The following MRC1 variants were observed in gnomAD, a reference collection of about 807,000 sequenced individuals.
MRC1 encodes the protein macrophage mannose receptor 1.
A neutral mutation model predicts 102.9 loss-of-function variants in MRC1; 62 were observed. The observed-to-expected ratio is 0.60, with a 90% CI of 0.49 to 0.74. The LOEUF is 0.74. Among genes scored for constraint, MRC1 ranks in the 30% least tolerant of loss-of-function variants. The probability of loss-of-function intolerance (pLI) is 0.00; values close to 1 mark genes in which losing one functional copy is unlikely to be tolerated. For synonymous variants in MRC1, 457 were observed against 298.4 expected, an observed-to-expected ratio of 1.53 and a Z score of -5.48; for missense variants, 1,237 against 862.8, an observed-to-expected ratio of 1.43 and a Z score of -5.43.
chr10:17,897,651 C>T (rs1018749829), intron 23 of MRC1, among the ~76,000 whole-genome samples: 1 of 152,048 alleles, frequency 6.6e-6, no homozygotes, highest in Non-Finnish European at 1.5e-5. Flanking sequence ...TGACTTTTAA[C>T]GTACATGGAA....
chr10:17,855,983 A>G (rs1265653834), intron 8 of MRC1, among the ~76,000 whole-genome samples: 5 of 152,038 alleles, frequency 3.3e-5, no homozygotes, highest in Non-Finnish European at 5.9e-5. Context: ...AGCCTGGCCA[A>G]CATGGTGAAA....
At chr10:17,851,975 A>G (rs1838924301) in intron 7 of MRC1, among the ~76,000 whole-genome samples, 1 of 152,216 alleles carries the variant, frequency 6.6e-6, no homozygotes, top group African/African-American at 2.4e-5. Flanking sequence ...TTTGGCAACT[A>G]ATTTTATTAT....
intron 4 of MRC1, among the ~76,000 whole-genome samples, chr10:17,839,923 A>G (rs1235394778): frequency 2.0e-5 from 3 of 151,704 alleles, no homozygotes; most frequent in Non-Finnish European, 1.5e-5. Flanking sequence ...AAAATTAGCC[A>G]GGCGTGGTGG....
intron 3 of MRC1, among the ~76,000 whole-genome samples, chr10:17,829,035 A>C (rs1246592117): frequency 6.6e-6 from 1 of 151,392 alleles, no homozygotes; most frequent in Non-Finnish European, 1.5e-5. Context: ...CTCACCTGCT[A>C]CTTTAGACCA....
intron 8 of MRC1, among the ~76,000 whole-genome samples, chr10:17,855,569 C>T (rs1458946549): frequency 5.2e-5 from 2 of 38,486 alleles, no homozygotes; most frequent in African/African-American, 1.8e-4. Flanking sequence ...GAGACTCCGT[C>T]TCAAAAAAAA....
At position 17,822,382 on chromosome 10, in the gene MRC1, G is replaced by A. The variant is rs546478472; in HGVS notation, c.62-692G>A. On this transcript the variant is annotated intron_variant, in intron 1 of 29. Transcript: ENST00000569591. ...CTCCCACTTGTAATCCTAGTACTTT[G>A]AGAGGCTGAAGTGGGAAGATTGCTT... Among the ~76,000 whole-genome samples, 8 of 152,266 alleles carry A rather than the reference G, an allele frequency of 5.3e-5. 1 individual carries two copies. Among genetic ancestry groups the A allele is most frequent in the African/African-American group, 1.9e-4 (8 of 41,554 alleles).
chr10:17,873,652 AG>A (rs1833386087), intron 15 of MRC1, 131 bp from the exon 16 acceptor site: 2 of 736,660 alleles, frequency 2.7e-6, no homozygotes, highest in Non-Finnish European at 5.1e-6. Flanking sequence ...AATAGGAGAA[AG>A]AAAGGGAAGG....
At chr10:17,859,755 A>T (rs1833153049) in intron 9 of MRC1, among the ~76,000 whole-genome samples, 1 of 152,140 alleles carries the variant, frequency 6.6e-6, no homozygotes, top group African/African-American at 2.4e-5. Flanking sequence ...AGTGCTTTAG[A>T]GATTCTCCTT....
chr10:17,891,698 T>G (rs1237395469), intron 22 of MRC1, among the ~76,000 whole-genome samples: 3 of 152,166 alleles, frequency 2.0e-5, no homozygotes, highest in African/African-American at 7.2e-5. Flanking sequence ...TAGCTACGAA[T>G]TAGGCTGTGT....
chr10:17,827,291 A>G (rs1046598737), intron 2 of MRC1, among the ~76,000 whole-genome samples: 105 of 148,916 alleles, frequency 7.1e-4, no homozygotes, highest in Admixed American at 1.4e-3. Flanking sequence ...ATGAAGTGGT[A>G]CTAAGAGTTA....
In MRC1 at chr10:17,894,244, A is replaced by G. The variant is rs1221109575; in HGVS notation, c.3182A>G (p.Asn1061Ser). 11 of 872,572 alleles carry G rather than the reference A, an allele frequency of 1.3e-5. No homozygotes were observed. The East Asian group carries it at 2.4e-4, about 19-fold the overall frequency. The allele number at this position is 872,572 out of a possible 1,614,324, so 54.1% of individuals were successfully genotyped here. Residue 1061 changes from asparagine (N) to serine (S), a missense_variant, in exon 23 of 30, where the codon AAT (asparagine) becomes AGT (serine). Asn to Ser is a conservative substitution (Grantham distance 46). Transcript: ENST00000569591. ...GTTGTTATTATTGGAGGTGCATCAAATGAAGCAGGAAAATGGATGGATGAT... is the reference window on the plus strand; with the variant it reads ...GTTGTTATTATTGGAGGTGCATCAAGTGAAGCAGGAAAATGGATGGATGAT... ...DCVVIIGGASNEAGKWMDDTC... is the reference protein window; with the variant it reads ...DCVVIIGGASSEAGKWMDDTC...
rs1838942096 is a variant in MRC1, at chr10:17,853,154, A to C, written c.1407+30A>C. 7.7e-6 allele frequency: 6 copies of C among 779,544 alleles called. 1 individual carries two copies. The South Asian group carries it at 8.0e-5, about 10-fold the overall frequency. 48.3% of individuals were successfully genotyped at this position (779,544 alleles called of 1,614,324 possible). A position where few individuals can be genotyped will look rare whatever the true frequency, so the allele number is the denominator to read the frequency against. Reference sequence around the variant, plus strand: ...GGCCACTTGAATGACTGATATTTATAATGAAAGTCACGGGGGATTTTTCCT... The same window carrying C: ...GGCCACTTGAATGACTGATATTTATCATGAAAGTCACGGGGGATTTTTCCT... On this transcript the variant is annotated intron_variant, in intron 8 of 29. Coordinates refer to ENST00000569591, the MANE Select transcript of MRC1 (RefSeq NM_002438.4).
intron 3 of MRC1, among the ~76,000 whole-genome samples, chr10:17,833,399 G>C (rs1319430452): frequency 6.6e-6 from 1 of 151,514 alleles, no homozygotes; most frequent in Non-Finnish European, 1.5e-5. Flanking sequence ...TGCATGCCTG[G>C]AGTCCCAGCT....
At chr10:17,824,745 T>C (rs1165114555) in intron 2 of MRC1, among the ~76,000 whole-genome samples, 1 of 152,146 alleles carries the variant, frequency 6.6e-6, no homozygotes, top group East Asian at 1.9e-4. Context: ...ATTGTGCTAA[T>C]TGAGGAGTTT....
intron 4 of MRC1, among the ~76,000 whole-genome samples, chr10:17,835,254 T>C (rs1838645387): frequency 1.3e-5 from 2 of 152,246 alleles, no homozygotes; most frequent in South Asian, 4.1e-4. Flanking sequence ...ACCACTTTTA[T>C]TAGTATAATA....
chr10:17,907,840 T>C, intron 28 of MRC1, 142 bp downstream of exon 28: 1 of 708,176 alleles, frequency 1.4e-6, no homozygotes. Context: ...CATTCTGCCG[T>C]TGTAGTTCAT....
chr10:17,809,727 A>C (rs1397701369), intron 1 of MRC1, among the ~76,000 whole-genome samples: 1 of 151,976 alleles, frequency 6.6e-6, no homozygotes, highest in Non-Finnish European at 1.5e-5. Flanking sequence ...AGGAGGGAGG[A>C]GGATGCGTCT....
chr10:17,830,381 C>T (rs1838551691), intron 3 of MRC1, among the ~76,000 whole-genome samples: 1 of 151,374 alleles, frequency 6.6e-6, no homozygotes, highest in East Asian at 1.9e-4. Flanking sequence ...ATCCACCCAC[C>T]TCGGCCTCCC....
At chr10:17,835,233 A>G (rs1554839372) in intron 4 of MRC1, among the ~76,000 whole-genome samples, 2 of 152,100 alleles carry the variant, frequency 1.3e-5, no homozygotes, top group African/African-American at 4.8e-5. Context: ...CATTTCTCTT[A>G]TTTGCTTATT....
Sources: allele counts gnomAD v4.1 joint callset (sites outside exome capture counted in the v4.1 genomes callset), GRCh38; gene constraint gnomAD v4.1.1; transcripts MANE v1.5; gene names NCBI Gene and HGNC (gene_info 2026-07-23, HGNC 2026-07-21).